Variants in SRSF7 observed in about 807,000 individuals in gnomAD.
SRSF7 encodes the protein serine/arginine-rich splicing factor 7.
SRSF7 carries 15 observed loss-of-function variants against 42.2 expected under a neutral mutation model. The ratio of observed to expected loss-of-function variants is 0.36; its 90% CI spans 0.24 to 0.55. The LOEUF (loss-of-function observed/expected upper bound fraction) is 0.55. Ranked by LOEUF, SRSF7 falls within the 20% of genes least tolerant of loss-of-function variation. SRSF7 has a pLI of 0.88. For synonymous variants in SRSF7, 138 were observed against 107.9 expected (o/e 1.28, Z -1.73); for missense variants, 181 against 305.9 (o/e 0.59, Z 3.04).
intron 5 of SRSF7, chr2:38,747,187 G>A: frequency 2.4e-6 from 1 of 421,652 alleles, no homozygotes; most frequent in Admixed American, 2.7e-5. Context: ...AGGTGATAAG[G>A]CCAGACGAAA....
intron 5 of SRSF7, among the ~76,000 whole-genome samples, chr2:38,747,567 T>G (rs947322762): frequency 1.3e-5 from 2 of 148,250 alleles, no homozygotes; most frequent in African/African-American, 4.9e-5. Context: ...TGAAACGGTC[T>G]AAAAAAAAAA....
In SRSF7 at chr2:38,751,281, C is replaced by A; in HGVS notation, c.-25G>T. 1 of 1,614,012 alleles carries A rather than the reference C, an allele frequency of 6.2e-7. No homozygotes were observed. The highest frequency in any genetic ancestry group is 8.5e-7 in the Non-Finnish European group (1 of 1,179,884). ...TGATGACAGACCCGCGTGCTCGGCT[C>A]TTTAGCAAGCAGCGCCCAGGGCTCG... On this transcript the variant is annotated 5_prime_UTR_variant, in exon 1 of 8. Coordinates refer to ENST00000313117, the MANE Select transcript of SRSF7 (RefSeq NM_001031684.3).
Position 38,744,160 on chromosome 2 carries a change from C to T in SRSF7, c.*973G>A. The T allele has an allele frequency of 2.0e-5, 3 of 152,572 alleles. No individual in the cohort carries two copies. The highest frequency in any genetic ancestry group is 7.2e-5 in the African/African-American group (3 of 41,430). 9.5% of individuals were successfully genotyped at this position (152,572 alleles called of 1,614,324 possible). On this transcript the variant is annotated 3_prime_UTR_variant, in exon 8 of 8. Coordinates refer to ENST00000313117, the MANE Select transcript of SRSF7 (RefSeq NM_001031684.3). ...GATTGACATCTTTAATTACTTTGCA[C>T]CAGCCTGGCAAAATAGAAGAATGTT...
At chr2:38,749,026 A>T in intron 3 of SRSF7, 1 of 1,294,584 alleles carries the variant, frequency 7.7e-7, no homozygotes, top group African/African-American at 1.5e-5. Context: ...CTGACAGCCA[A>T]ATGAGCCAGG....
intron 7 of SRSF7, 109 bp downstream of exon 7, chr2:38,746,035 T>C (rs946676620): frequency 1.8e-6 from 2 of 1,108,984 alleles, no homozygotes; most frequent in Admixed American, 1.8e-5. Context: ...TTTTAATCTA[T>C]ATAGCACCAA....
intron 4 of SRSF7, 49 bp from the exon 5 acceptor site, chr2:38,748,206 G>A (rs1287435913): frequency 1.5e-6 from 2 of 1,296,666 alleles, no homozygotes; most frequent in East Asian, 2.4e-5. Context: ...TTTTTTTTTG[G>A]CCTGTTAAGA....
chr2:38,744,875 T>G lies in SRSF7; in HGVS notation c.*258A>C. 1 of 435,446 alleles carries G rather than the reference T, an allele frequency of 2.3e-6. No homozygotes were observed. Among genetic ancestry groups the G allele is most frequent in the South Asian group, 4.0e-5 (1 of 24,892 alleles). 27.0% of individuals were successfully genotyped at this position (435,446 alleles called of 1,614,324 possible). A position where few individuals can be genotyped will look rare whatever the true frequency, so the allele number is the denominator to read the frequency against. ...TATATCAAATTAAGAAGTGTTAATA[T>G]TGAACACAAATCAAAAATCTAGTTA... On this transcript the variant is annotated 3_prime_UTR_variant, in exon 8 of 8. Coordinates refer to ENST00000313117, the MANE Select transcript of SRSF7 (RefSeq NM_001031684.3).
At chr2:38,749,070 T>C in intron 3 of SRSF7, 1 of 1,306,082 alleles carries the variant, frequency 7.7e-7, no homozygotes, top group Non-Finnish European at 1.0e-6. Flanking sequence ...ATTTTTCTAG[T>C]TGGGAATGTG....
At chr2:38,748,365 C>T (rs1305350194) in intron 4 of SRSF7, among the ~76,000 whole-genome samples, 1 of 152,030 alleles carries the variant, frequency 6.6e-6, no homozygotes, top group African/African-American at 2.4e-5. Context: ...GTGGCAGTGC[C>T]TACAGTCCCA....
Position 38,746,698 on chromosome 2 carries a change from T to G in SRSF7, c.622A>C (p.Ser208Arg). The G allele has an allele frequency of 4.3e-6, 7 of 1,613,728 alleles. No homozygotes were observed. Among genetic ancestry groups the G allele is most frequent in the Non-Finnish European group, 5.9e-6 (7 of 1,179,908 alleles). The change falls in exon 6 of 8, where the codon AGC becomes CGC. Residue 208 changes from serine to arginine, a missense_variant. Transcript: ENST00000313117. Reference protein sequence around the residue: ...SRSRSISRPRSSRSKSRSPSP... With the variant: ...SRSRSISRPRRSRSKSRSPSP... ...ATAATCAAATTTTTACCCTACCTGC[T>G]TCTTGGTCGTGAAATAGACCTGGAT...
intron 5 of SRSF7, 43 bp downstream of exon 5, chr2:38,748,004 G>C: frequency 7.1e-7 from 1 of 1,415,076 alleles, no homozygotes; most frequent in Non-Finnish European, 1.0e-6. Context: ...CTGATAAGAT[G>C]TGAACAATCC....
At chr2:38,746,835 C>T (rs941583958) in intron 5 of SRSF7, 88 bp from the exon 6 acceptor site, 2 of 1,570,638 alleles carry the variant, frequency 1.3e-6, no homozygotes, top group African/African-American at 2.7e-5. Flanking sequence ...GTTGGTCAGG[C>T]ATAAAGAAGC....
chr2:38,748,142 A>T lies in SRSF7; in HGVS notation c.477T>A (p.Ser159=). 1.2e-6 allele frequency: 2 copies of T among 1,613,350 alleles called. No homozygotes were observed. The highest frequency in any genetic ancestry group is 3.3e-5 in the Admixed American group (2 of 59,988). The change falls in exon 5 of 8, where the codon TCT becomes TCA. Residue 159 remains serine, a synonymous_variant. Transcript: ENST00000313117. ...GAGAGATAGATCTTGATCGTCGAGG[A>T]GATGCTGACCTTGACCTAAAATAAA... The part of the protein sequence containing the change: ...RSRGRRSRSA[S]PRRSRSISLR...
chr2:38,745,082 T>C lies in SRSF7; in HGVS notation c.*51A>G. The C allele has an allele frequency of 2.5e-6, 4 of 1,582,504 alleles. No individual in the cohort carries two copies. The East Asian group carries it at 9.0e-5, about 35-fold the overall frequency. On this transcript the variant is annotated 3_prime_UTR_variant, in exon 8 of 8. Coordinates refer to ENST00000313117, the MANE Select transcript of SRSF7 (RefSeq NM_001031684.3). ...CACTTTACAGACATCACAAATCCCT[T>C]ATAATAATGTAAACAAAATAACTTT...
At position 38,748,601 on chromosome 2, in the gene SRSF7, G is replaced by C; in HGVS notation, c.439C>G (p.Arg147Gly). The C allele has an allele frequency of 4.3e-6, 7 of 1,614,144 alleles. No homozygotes were observed. The highest frequency in any genetic ancestry group is 5.9e-6 in the Non-Finnish European group (7 of 1,180,024). The change falls in exon 4 of 8, where the codon CGC becomes GGC. Residue 147 changes from arginine to glycine, a missense_variant. By Grantham distance (125) the Arg-to-Gly change is moderately radical. Transcript: ENST00000313117. ...RSRGRRYSRS[R>G]SRSRGRRSRS... ...CACCTTCGTCCCCTGCTCCTGCTGCGTGAGCGAGAGTATCGCCTTCCTCTG... is the reference window on the plus strand; with the variant it reads ...CACCTTCGTCCCCTGCTCCTGCTGCCTGAGCGAGAGTATCGCCTTCCTCTG...
chr2:38,750,544 G>C (rs965124860), intron 1 of SRSF7, among the ~76,000 whole-genome samples: 2 of 151,636 alleles, frequency 1.3e-5, no homozygotes, highest in Admixed American at 6.6e-5. Flanking sequence ...CAGCGGCAGC[G>C]GCGTCGGCGG....
At chr2:38,751,419 AT>A (rs1668353486), upstream of SRSF7, 2 of 906,200 alleles carry the variant, frequency 2.2e-6, no homozygotes, top group Non-Finnish European at 3.4e-6. Flanking sequence ...CGCATGCGTC[AT>A]CTCGTTGTTC....
chr2:38,745,460 C>A (rs770786094), intron 7 of SRSF7, among the ~76,000 whole-genome samples: 1 of 152,128 alleles, frequency 6.6e-6, no homozygotes, highest in Non-Finnish European at 1.5e-5. Flanking sequence ...TTAAGACCAA[C>A]CTCGCCAACA....
chr2:38,751,369 AG>A, upstream of SRSF7: 1 of 1,469,740 alleles, frequency 6.8e-7, no homozygotes, highest in Admixed American at 1.8e-5. Flanking sequence ...TACGAGGAAG[AG>A]CCCGGGTTCG....
Sources: gnomAD v4.1 joint callset for allele counts (sites outside exome capture counted in the v4.1 genomes callset) on GRCh38, gnomAD v4.1.1 for gene constraint, MANE v1.5 for transcripts, NCBI Gene and HGNC (gene_info 2026-07-23, HGNC 2026-07-21) for gene names.